EIF4E: variants seen among roughly 807,000 people sequenced by gnomAD.
The protein encoded by EIF4E is eIF-4F 25 kDa subunit.
For missense variants in EIF4E, 113 were observed against 265.6 expected, an observed-to-expected ratio of 0.43 and a Z score of 3.99; for synonymous variants, 71 against 88.5, an observed-to-expected ratio of 0.80 and a Z score of 1.11.
intron 2 of EIF4E, among the ~76,000 whole-genome samples, chr4:98,892,681 CAAAAAA>C (rs72248242): frequency 1.8e-5 from 2 of 114,132 alleles, no homozygotes; most frequent in Non-Finnish European, 1.9e-5. Flanking sequence ...AACTCTGTCT[CAAAAAA>C]AAAAAAAAAA....
chr4:98,891,415 G>C, intron 2 of EIF4E, 83 bp from the exon 3 acceptor site: 1 of 1,193,808 alleles, frequency 8.4e-7, no homozygotes, highest in Non-Finnish European at 1.2e-6. Context: ...TCAAAAGGTA[G>C]AAGCAACCCA....
chr4:98,896,667 CAAAAAAAAAAAAAAAAAA>C (rs61329973), intron 2 of EIF4E, among the ~76,000 whole-genome samples: 2 of 47,680 alleles, frequency 4.2e-5, no homozygotes, highest in African/African-American at 1.6e-4. Flanking sequence ...ATGTCTCTTC[CAAAAAAAAAAAAAAAAAA>C]AAAAAAAAAA....
chr4:98,911,195 C>T (rs13115072), intron 1 of EIF4E, among the ~76,000 whole-genome samples: 28,722 of 151,378 alleles, frequency 0.19, 3,652 homozygotes, highest in Non-Finnish European at 0.28. Context: ...ATTACAGGCG[C>T]CTGCCACCAC....
At position 98,912,392 on chromosome 4, in the gene EIF4E, T is replaced by C. The variant is rs574086702; in HGVS notation, c.19-10410A>G. On this transcript the variant is annotated intron_variant, in intron 1 of 6. Coordinates refer to ENST00000450253, the MANE Select transcript of EIF4E (RefSeq NM_001968.5). ...GAAATTGAGACCATCCTGGCCAACA[T>C]AGTGAAACCCAGCCGCTACTAAAAA... Among the ~76,000 whole-genome samples, 132 of 150,778 alleles carry C rather than the reference T, an allele frequency of 8.8e-4. 1 individual carries two copies. In the South Asian group the frequency reaches 0.015, roughly 17 times the overall value.
chr4:98,923,869 C>T (rs182053739), intron 1 of EIF4E, among the ~76,000 whole-genome samples: 2 of 152,308 alleles, frequency 1.3e-5, no homozygotes, highest in East Asian at 3.9e-4. Flanking sequence ...AGTTGACAAA[C>T]TGTCACCTTT....
chr4:98,915,427 C>A (rs1227570950), intron 1 of EIF4E, among the ~76,000 whole-genome samples: 1 of 151,950 alleles, frequency 6.6e-6, no homozygotes, highest in Non-Finnish European at 1.5e-5. Flanking sequence ...TGTATTATAA[C>A]AAAGTTATAT....
At position 98,881,004 on chromosome 4, in the gene EIF4E, T is replaced by C. The variant is rs1240227014; in HGVS notation, c.*24A>G. On this transcript the variant is annotated 3_prime_UTR_variant, in exon 7 of 7. Coordinates refer to ENST00000450253, the MANE Select transcript of EIF4E (RefSeq NM_001968.5). Reference sequence around the variant, plus strand: ...CTCGATTGCTTGACGCAGTCTCCTATGAGAATACTCAGAAGGTGTCTTCTT... The same window carrying C: ...CTCGATTGCTTGACGCAGTCTCCTACGAGAATACTCAGAAGGTGTCTTCTT... 1 of 1,596,500 alleles carries C rather than the reference T, an allele frequency of 6.3e-7. No homozygotes were observed. The highest frequency in any genetic ancestry group is 1.7e-5 in the Admixed American group (1 of 57,704).
At chr4:98,888,120 C>T (rs958964361) in intron 3 of EIF4E, among the ~76,000 whole-genome samples, 168 bp from the exon 4 acceptor site, 1 of 152,018 alleles carries the variant, frequency 6.6e-6, no homozygotes, top group Non-Finnish European at 1.5e-5. Flanking sequence ...ATCTTAAAAG[C>T]AGTTAAATAA....
intron 1 of EIF4E, among the ~76,000 whole-genome samples, chr4:98,922,809 T>C (rs933417671): frequency 6.6e-6 from 1 of 151,818 alleles, no homozygotes; most frequent in Non-Finnish European, 1.5e-5. Flanking sequence ...ATTTACTGAA[T>C]ATAGTGTGAC....
chr4:98,901,832 A>G (rs759028368), intron 2 of EIF4E, 44 bp downstream of exon 2: 56 of 1,557,546 alleles, frequency 3.6e-5, no homozygotes, highest in Non-Finnish European at 4.6e-5. Flanking sequence ...TTCACAATTT[A>G]CCTTGTGGCC....
intron 1 of EIF4E, among the ~76,000 whole-genome samples, chr4:98,914,763 G>A (rs999651563): frequency 6.6e-6 from 1 of 152,150 alleles, no homozygotes; most frequent in Non-Finnish European, 1.5e-5. Context: ...GAACCCTAAT[G>A]TAAAGTATGA....
At chr4:98,913,023 C>T (rs1331555575) in intron 1 of EIF4E, among the ~76,000 whole-genome samples, 1 of 151,996 alleles carries the variant, frequency 6.6e-6, no homozygotes, top group African/African-American at 2.4e-5. Flanking sequence ...CCTGGTCCAA[C>T]ATGGTGAAAC....
At chr4:98,928,430 C>T (rs1263475254) in intron 1 of EIF4E, among the ~76,000 whole-genome samples, 1 of 152,062 alleles carries the variant, frequency 6.6e-6, no homozygotes, top group Non-Finnish European at 1.5e-5. Flanking sequence ...TTCTCGCTTC[C>T]CCTGGCGCAA....
intron 1 of EIF4E, among the ~76,000 whole-genome samples, chr4:98,911,794 A>G (rs1409631281): frequency 6.6e-6 from 1 of 151,374 alleles, no homozygotes; most frequent in African/African-American, 2.4e-5. Flanking sequence ...CACATATTAT[A>G]TAGCTTAAGC....
chr4:98,927,294 T>C (rs1396976165), intron 1 of EIF4E, among the ~76,000 whole-genome samples: 4 of 152,178 alleles, frequency 2.6e-5, no homozygotes, highest in Non-Finnish European at 5.9e-5. Flanking sequence ...GTAAGGATAG[T>C]TTACACCAAC....
At chr4:98,886,339 A>C (rs1723920888) in intron 5 of EIF4E, 1 of 291,410 alleles carries the variant, frequency 3.4e-6, no homozygotes, top group Admixed American at 4.0e-5. Context: ...TGTCTTGTAA[A>C]GCCAGAAGTT....
At position 98,887,022 on chromosome 4, in the gene EIF4E, T is replaced by A; in HGVS notation, c.399+57A>T. 3 of 1,502,338 alleles carry A rather than the reference T, an allele frequency of 2.0e-6. No homozygotes were observed. The allele number at this position is 1,502,338 out of a possible 1,614,324, so 93.1% of individuals were successfully genotyped here. Reference sequence around the variant, plus strand: ...AACAAATGTAAAACATAACATATCTTAAGTATCAGTATTCCAAAACTACCT... The same window carrying A: ...AACAAATGTAAAACATAACATATCTAAAGTATCAGTATTCCAAAACTACCT... On this transcript the variant is annotated intron_variant, in intron 5 of 6. Coordinates refer to ENST00000450253, the MANE Select transcript of EIF4E (RefSeq NM_001968.5). This position sits in a 1 kb window ranked among gnomAD's most constrained non-coding sequence, Gnocchi z 4.0.
chr4:98,893,109 T>C (rs998337031), intron 2 of EIF4E, among the ~76,000 whole-genome samples: 2 of 152,224 alleles, frequency 1.3e-5, no homozygotes, highest in African/African-American at 4.8e-5. Context: ...GTTTACACTA[T>C]ACTGTAGTCT....
chr4:98,924,328 C>A (rs1038066859), intron 1 of EIF4E, among the ~76,000 whole-genome samples: 4 of 152,070 alleles, frequency 2.6e-5, no homozygotes, highest in African/African-American at 9.7e-5. Context: ...CTACCCACCT[C>A]GGCCTCCCAA....
Sources: gnomAD v4.1 joint callset for allele counts (sites outside exome capture counted in the v4.1 genomes callset) on GRCh38, gnomAD v4.1.1 for gene constraint, Gnocchi (gnomAD v3.1) non-coding constraint, MANE v1.5 for transcripts, NCBI Gene and HGNC (gene_info 2026-07-23, HGNC 2026-07-21) for gene names.